Variants in LRRC8A observed in about 807,000 individuals in gnomAD.
LRRC8A encodes leucine rich repeat containing 8 VRAC subunit A, also known as volume-regulated anion channel subunit LRRC8A.
A neutral mutation model predicts 52.5 loss-of-function variants in LRRC8A; 24 were observed. That is an observed-to-expected ratio of 0.46 (90% CI 0.33 to 0.64). The LOEUF (loss-of-function observed/expected upper bound fraction) is 0.64. Ranked by LOEUF, LRRC8A falls within the 30% of genes least tolerant of loss-of-function variation. LRRC8A has a pLI of 0.02. For missense variants in LRRC8A, 677 were observed against 1,094.7 expected (o/e 0.62, Z 5.38); for synonymous variants, 492 against 494.2 (o/e 1.00, Z 0.06).
intron 1 of LRRC8A, among the ~76,000 whole-genome samples, chr9:128,883,226 A>AG (rs1839195987): frequency 6.6e-6 from 1 of 152,162 alleles, no homozygotes; most frequent in African/African-American, 2.4e-5. Context: ...TGAGGTGTGG[A>AG]GGGAGAGCAC....
chr9:128,896,178 A>G (rs1839817542), intron 2 of LRRC8A, among the ~76,000 whole-genome samples: 1 of 152,242 alleles, frequency 6.6e-6, no homozygotes, highest in Admixed American at 6.5e-5. Flanking sequence ...TATATAACAT[A>G]TGCATCATCT....
At chr9:128,898,685 A>T (rs1413863341) in intron 2 of LRRC8A, among the ~76,000 whole-genome samples, 1 of 152,198 alleles carries the variant, frequency 6.6e-6, no homozygotes, top group African/African-American at 2.4e-5. Flanking sequence ...CTTTAGCCCC[A>T]TTCAAAGATG....
At position 128,909,143 on chromosome 9, in the gene LRRC8A, A is replaced by G. The variant is rs767232192; in HGVS notation, c.1979A>G (p.Asn660Ser). 1.2e-6 allele frequency: 2 copies of G among 1,614,020 alleles called. No homozygotes were observed. The highest frequency in any genetic ancestry group is 3.3e-5 in the Admixed American group (2 of 60,008). Residue 660 changes from asparagine (N) to serine (S), a missense_variant, in exon 3 of 4, where the codon AAC (asparagine) becomes AGC (serine). Transcript: ENST00000372600. ...GCCTACATCCCCATCCAGATCGGCA[A>G]CCTCACCAACCTGGAGCGCCTCTAC... is the stretch of plus-strand genomic sequence containing the variant. ...HIAYIPIQIG[N>S]LTNLERLYLN...
intron 2 of LRRC8A, among the ~76,000 whole-genome samples, chr9:128,906,673 C>T (rs1428511104): frequency 6.6e-6 from 1 of 152,176 alleles, no homozygotes; most frequent in East Asian, 1.9e-4. Context: ...GCCCCCTCTG[C>T]ATGTTGCTTT....
chr9:128,904,847 A>G (rs1840173486), intron 2 of LRRC8A, among the ~76,000 whole-genome samples: 2 of 151,452 alleles, frequency 1.3e-5, no homozygotes, highest in African/African-American at 4.8e-5. Context: ...ACAAAAAAAA[A>G]TTAGCCGGGT....
At chr9:128,915,399 T>TCA (rs1157053475) in intron 3 of LRRC8A, among the ~76,000 whole-genome samples, 2 of 152,186 alleles carry the variant, frequency 1.3e-5, no homozygotes, top group East Asian at 1.9e-4. Flanking sequence ...CGATGTCGGC[T>TCA]CTGCAAGCTC....
chr9:128,886,367 C>G (rs1839395583), intron 2 of LRRC8A, among the ~76,000 whole-genome samples: 2 of 152,194 alleles, frequency 1.3e-5, no homozygotes, highest in African/African-American at 4.8e-5. Context: ...TCTCCTTCAC[C>G]CCAGATCTTA....
chr9:128,907,082 C>T lies in LRRC8A; in HGVS notation c.-8-75C>T. 8.2e-7 allele frequency: 1 copy of T among 1,212,650 alleles called. No individual in the cohort carries two copies. The highest frequency in any genetic ancestry group is 1.4e-5 in the South Asian group (1 of 71,116). 75.1% of individuals were successfully genotyped at this position (1,212,650 alleles called of 1,614,324 possible). ...TGGACAATGGAAGAATTTTCATTGTCTTCTTCCCCTGACCCCTGGTCCTAG... is the reference window on the plus strand; with the variant it reads ...TGGACAATGGAAGAATTTTCATTGTTTTCTTCCCCTGACCCCTGGTCCTAG... On this transcript the variant is annotated intron_variant, in intron 2 of 3. Coordinates refer to ENST00000372600, the MANE Select transcript of LRRC8A (RefSeq NM_019594.4). This position sits in a 1 kb window ranked among gnomAD's most constrained non-coding sequence, Gnocchi z 9.3.
In LRRC8A at chr9:128,908,093, G is replaced by A; in HGVS notation, c.929G>A (p.Cys310Tyr). 1 of 1,613,948 alleles carries A rather than the reference G, an allele frequency of 6.2e-7. No individual in the cohort carries two copies. The highest frequency in any genetic ancestry group is 8.5e-7 in the Non-Finnish European group (1 of 1,180,016). The change falls in exon 3 of 4, where the codon TGT becomes TAT. Residue 310 changes from cysteine to tyrosine, a missense_variant. Around this residue, in one of 4 missense-constraint regions of LRRC8A, gnomAD observed 422 missense variants for 741.5 expected, o/e 0.57. Coordinates refer to ENST00000372600, the MANE Select transcript of LRRC8A (RefSeq NM_019594.4). ...CTGACGGGCTACCGCACCTACCGCTGTGCCCACCCCCTGGCCACACTCTTC... is the reference window on the plus strand; with the variant it reads ...CTGACGGGCTACCGCACCTACCGCTATGCCCACCCCCTGGCCACACTCTTC... Reference protein sequence around the residue: ...ESLTGYRTYRCAHPLATLFKI... With the variant: ...ESLTGYRTYRYAHPLATLFKI...
intron 2 of LRRC8A, among the ~76,000 whole-genome samples, chr9:128,894,401 G>A (rs1350609780): frequency 1.3e-5 from 2 of 149,446 alleles, no homozygotes; most frequent in African/African-American, 2.5e-5. Context: ...GGAGAATGGC[G>A]TGAACCTGGG....
chr9:128,900,804 G>T (rs1212808467), intron 2 of LRRC8A, among the ~76,000 whole-genome samples: 1 of 152,140 alleles, frequency 6.6e-6, no homozygotes, highest in Non-Finnish European at 1.5e-5. Flanking sequence ...GAGGTGGGAG[G>T]ATCACTCAAG....
intron 2 of LRRC8A, among the ~76,000 whole-genome samples, chr9:128,895,430 T>A (rs533977452): frequency 1.3e-5 from 2 of 152,372 alleles, no homozygotes; most frequent in Admixed American, 6.5e-5. Context: ...TATTTCTTGC[T>A]GGAGCTGGAT....
At chr9:128,894,841 G>C (rs1185229768) in intron 2 of LRRC8A, among the ~76,000 whole-genome samples, 1 of 150,668 alleles carries the variant, frequency 6.6e-6, no homozygotes, top group African/African-American at 2.4e-5. Flanking sequence ...TTTCATTGTG[G>C]TAAAATACAC....
intron 2 of LRRC8A, among the ~76,000 whole-genome samples, chr9:128,903,989 C>T (rs948831171): frequency 2.0e-5 from 3 of 152,000 alleles, no homozygotes; most frequent in Non-Finnish European, 2.9e-5. Context: ...GATCATGCCA[C>T]TGCACCCCAG....
rs1840066209 is a variant in LRRC8A, at chr9:128,902,505, A to G, written c.-8-4652A>G. On this transcript the variant is annotated intron_variant, in intron 2 of 3. Transcript: ENST00000372600. The surrounding 1 kb of genome is among the most constrained non-coding windows in gnomAD (Gnocchi z 4.1). ...GTGAGCGAACACACCCCACTCCCTG[A>G]ACACGAGGGAGGTGTTGCAGTATCA... 6.6e-6 allele frequency among the ~76,000 whole-genome samples: 1 copy of G among 152,128 alleles called. No homozygotes were observed. The highest frequency in any genetic ancestry group is 2.1e-4 in the South Asian group (1 of 4,826).
intron 1 of LRRC8A, chr9:128,882,866 G>T: frequency 2.5e-6 from 1 of 398,552 alleles, no homozygotes; most frequent in Non-Finnish European, 4.4e-6. Flanking sequence ...TGGGCCCGAG[G>T]GCGAGGCGAG....
rs777529563 is a variant in LRRC8A at position 128,907,808 on chromosome 9, C to G, written c.644C>G (p.Thr215Ser). ...GCCACCGTGCCCATGCTGCAGCGGA[C>G]CAAGTCACGGATCGAGCAGGGTATC... ...VEATVPMLQRTKSRIEQGIVD... is the reference protein window; with the variant it reads ...VEATVPMLQRSKSRIEQGIVD... Residue 215 changes from threonine to serine, a missense_variant, in exon 3 of 4, where the codon ACC becomes AGC. Coordinates refer to ENST00000372600, the MANE Select transcript of LRRC8A (RefSeq NM_019594.4). The surrounding 1 kb of genome is among the most constrained non-coding windows in gnomAD (Gnocchi z 9.3). The G allele has an allele frequency of 3.7e-6, 6 of 1,613,844 alleles. No individual in the cohort carries two copies. Among genetic ancestry groups the G allele is most frequent in the African/African-American group, 1.3e-5 (1 of 74,890 alleles).
intron 1 of LRRC8A, chr9:128,882,805 C>A (rs192459130): frequency 2.5e-6 from 1 of 398,760 alleles, no homozygotes; most frequent in Non-Finnish European, 4.4e-6. Flanking sequence ...TTTGGGAAGA[C>A]CGGTCCGGAA....
intron 2 of LRRC8A, among the ~76,000 whole-genome samples, chr9:128,887,177 G>C (rs1203379779): frequency 6.6e-6 from 1 of 151,962 alleles, no homozygotes; most frequent in Non-Finnish European, 1.5e-5. Context: ...CTATTTTTGG[G>C]GGACAGGGTC....
Sources: gnomAD v4.1 joint callset for allele counts (sites outside exome capture counted in the v4.1 genomes callset) on GRCh38, gnomAD v4.1.1 for gene constraint, gnomAD v4.1.1 regional missense constraint, Gnocchi (gnomAD v3.1) non-coding constraint, MANE v1.5 for transcripts, NCBI Gene and HGNC (gene_info 2026-07-23, HGNC 2026-07-21) for gene names.